Variants in COLEC10 observed in about 807,000 individuals in gnomAD.
The protein encoded by COLEC10 is collectin-10.
COLEC10 carries 22 observed loss-of-function variants against 28.4 expected under a neutral mutation model. The observed-to-expected ratio is 0.78, with a 90% confidence interval of 0.55 to 1.11. The LOEUF (loss-of-function observed/expected upper bound fraction) is 1.11. Among genes scored for constraint, COLEC10 ranks in the 50% least tolerant of loss-of-function variants. The pLI, the probability that COLEC10 is intolerant of heterozygous loss-of-function variation, is 0.00. For synonymous variants in COLEC10, 125 were observed against 116.1 expected, an observed-to-expected ratio of 1.08 and a Z score of -0.49; for missense variants, 361 against 344.1, an observed-to-expected ratio of 1.05 and a Z score of -0.39.
At chr8:119,040,087 A>G (rs1334802022) in intron 2 of COLEC10, among the ~76,000 whole-genome samples, 4 of 152,206 alleles carry the variant, frequency 2.6e-5, no homozygotes, top group Non-Finnish European at 5.9e-5. Context: ...AGGTTAGGTT[A>G]GTGGACCCCG....
At chr8:118,983,335 G>C in the COLEC10 span, among the ~76,000 whole-genome samples, 3 of 152,062 alleles carry the variant, frequency 2.0e-5, no homozygotes, top group Non-Finnish European at 4.4e-5. Context: ...GACTTTGAAG[G>C]CTAGTGAAGA....
intron 2 of COLEC10, among the ~76,000 whole-genome samples, chr8:119,041,022 A>G (rs1443013854): frequency 1.3e-5 from 2 of 152,238 alleles, no homozygotes; most frequent in Admixed American, 6.5e-5. Flanking sequence ...GTGAGTCCCA[A>G]TCACAGGGGA....
intron 1 of COLEC10, among the ~76,000 whole-genome samples, chr8:119,072,389 A>G (rs1185036758): frequency 6.6e-6 from 1 of 152,230 alleles, no homozygotes; most frequent in Non-Finnish European, 1.5e-5. Flanking sequence ...GACTTTGAGC[A>G]AAAAGGTTTT....
chr8:119,080,026 A>T, intron 1 of COLEC10, among the ~76,000 whole-genome samples: 1 of 152,166 alleles, frequency 6.6e-6, no homozygotes. Flanking sequence ...AATGAAAACT[A>T]TTCATTTTGT....
At position 119,014,949 on chromosome 8, in the gene COLEC10, C is replaced by T. The variant is rs545707500; in HGVS notation, n.235+5396C>T. On this transcript the variant is annotated intron_variant and non_coding_transcript_variant, in intron 2 of 6. Coordinates refer to the COLEC10 transcript ENST00000521788. ...CTTAGAATTTCCATCTCTCCACTTA[C>T]GTTGCACAACTCTTCCTGTATGTTG... 7.7e-4 allele frequency among the ~76,000 whole-genome samples: 117 copies of T among 151,174 alleles called. 6 individuals are homozygous for T. Among genetic ancestry groups the T allele is most frequent in the African/African-American group, 2.7e-3 (110 of 40,538 alleles).
chr8:119,027,708 C>A (rs1814218237), intron 2 of COLEC10, among the ~76,000 whole-genome samples: 1 of 152,164 alleles, frequency 6.6e-6, no homozygotes, highest in African/African-American at 2.4e-5. Flanking sequence ...AACTTCTCTG[C>A]ACAGTTAAAA....
At chr8:119,044,473 T>A (rs1308850548) in intron 2 of COLEC10, among the ~76,000 whole-genome samples, 2 of 152,190 alleles carry the variant, frequency 1.3e-5, no homozygotes, top group Non-Finnish European at 2.9e-5. Flanking sequence ...GAATTGTGGC[T>A]CTGTTTTTAT....
intron 1 of COLEC10, among the ~76,000 whole-genome samples, chr8:119,070,736 A>C (rs76998106): frequency 0.085 from 12,911 of 151,984 alleles, 767 homozygotes; most frequent in East Asian, 0.2. Context: ...ATGTATTCAT[A>C]AAAAATTTAA....
At chr8:118,972,515 C>A in the COLEC10 span, among the ~76,000 whole-genome samples, 1 of 152,024 alleles carries the variant, frequency 6.6e-6, no homozygotes, top group Non-Finnish European at 1.5e-5. Flanking sequence ...GAGTCTCAAA[C>A]TTGTCAATCC....
chr8:119,012,000 T>C (rs1813907200), intron 2 of COLEC10, among the ~76,000 whole-genome samples: 1 of 150,758 alleles, frequency 6.6e-6, no homozygotes, highest in African/African-American at 2.5e-5. Flanking sequence ...CAGTATGATA[T>C]TGAAAAGAGG....
intron 2 of COLEC10, among the ~76,000 whole-genome samples, chr8:119,055,239 G>A (rs1389135913): frequency 6.6e-6 from 1 of 152,022 alleles, no homozygotes. Flanking sequence ...TGTTCAGTGT[G>A]TGGAAACCCT....
At chr8:118,994,421 A>G (rs1813557285), upstream of COLEC10, among the ~76,000 whole-genome samples, 1 of 152,230 alleles carries the variant, frequency 6.6e-6, no homozygotes, top group South Asian at 2.1e-4. Flanking sequence ...CAAAACTGTA[A>G]TTCAAAGTTT....
the COLEC10 span, among the ~76,000 whole-genome samples, chr8:118,959,873 T>C: frequency 2.6e-5 from 4 of 152,226 alleles, no homozygotes; most frequent in Admixed American, 6.5e-5. Context: ...GCTTGTTTTA[T>C]ACTTTTTCAC....
chr8:119,058,450 AC>A (rs1244600163), intron 2 of COLEC10, among the ~76,000 whole-genome samples: 1 of 152,000 alleles, frequency 6.6e-6, no homozygotes, highest in East Asian at 1.9e-4. Context: ...AGGCAACCAC[AC>A]ATCTGCTTTC....
chr8:119,019,077 G>A (rs1422263962), intron 2 of COLEC10, among the ~76,000 whole-genome samples: 1 of 152,182 alleles, frequency 6.6e-6, no homozygotes, highest in Non-Finnish European at 1.5e-5. Flanking sequence ...AACTCCCAGA[G>A]CTCAGGATTT....
At chr8:119,038,305 C>A (rs920142933) in intron 2 of COLEC10, among the ~76,000 whole-genome samples, 1 of 152,184 alleles carries the variant, frequency 6.6e-6, no homozygotes, top group Non-Finnish European at 1.5e-5. Context: ...TTCACTGATA[C>A]TTGGTAAAAT....
chr8:119,032,523 AGTT>A (rs1181328165), intron 2 of COLEC10, among the ~76,000 whole-genome samples: 2 of 152,314 alleles, frequency 1.3e-5, no homozygotes, highest in Non-Finnish European at 2.9e-5. Context: ...CAGCCTAAGG[AGTT>A]GTTTAGATTA....
chr8:119,042,429 T>C (rs1814516971), intron 2 of COLEC10, among the ~76,000 whole-genome samples: 1 of 152,048 alleles, frequency 6.6e-6, no homozygotes, highest in African/African-American at 2.4e-5. Flanking sequence ...TATTTATTTA[T>C]TTGTAAATAG....
intron 2 of COLEC10, among the ~76,000 whole-genome samples, chr8:119,022,154 G>A (rs1416651283): frequency 6.6e-6 from 1 of 152,114 alleles, no homozygotes; most frequent in Non-Finnish European, 1.5e-5. Context: ...TGTCAGGACT[G>A]TTATAGAACT....
Sources: gnomAD v4.1 joint callset for allele counts (sites outside exome capture counted in the v4.1 genomes callset) on GRCh38, gnomAD v4.1.1 for gene constraint, MANE v1.5 for transcripts, NCBI Gene and HGNC (gene_info 2026-07-23, HGNC 2026-07-21) for gene names.